Variants in PDE10A observed in about 807,000 individuals in gnomAD.
PDE10A encodes the protein cAMP and cAMP-inhibited cGMP 3',5'-cyclic phosphodiesterase 10A.
Under a neutral mutation model 97.7 loss-of-function variants are expected in PDE10A, and 39 were observed. The observed-to-expected ratio is 0.40, with a 90% confidence interval of 0.31 to 0.52. PDE10A has a LOEUF of 0.52. PDE10A is among the 20% of genes least tolerant of loss of function. PDE10A has a pLI of 0.56. For synonymous variants in PDE10A, 371 were observed against 376.8 expected (o/e 0.98, Z 0.18); for missense variants, 731 against 1,047.8 (o/e 0.70, Z 4.17).
At chr6:165,658,731 GT>G (rs1438798657) in intron 1 of PDE10A, among the ~76,000 whole-genome samples, 2 of 152,252 alleles carry the variant, frequency 1.3e-5, no homozygotes, top group Non-Finnish European at 2.9e-5. Flanking sequence ...AGGCACAAGA[GT>G]TTTTCCTACT....
chr6:165,507,260 T>G (rs1251124647), intron 2 of PDE10A, among the ~76,000 whole-genome samples: 1 of 152,114 alleles, frequency 6.6e-6, no homozygotes, highest in Non-Finnish European at 1.5e-5. Context: ...CTACTCACTT[T>G]GTTCCTGCAA....
chr6:165,874,671 A>G (rs1781289333), intron 1 of PDE10A, among the ~76,000 whole-genome samples: 1 of 152,250 alleles, frequency 6.6e-6, no homozygotes, highest in Non-Finnish European at 1.5e-5. Flanking sequence ...ATCTCTGCAC[A>G]GTTCAAATTA....
chr6:165,796,853 G>C (rs998790631), intron 1 of PDE10A, among the ~76,000 whole-genome samples: 9 of 152,136 alleles, frequency 5.9e-5, no homozygotes, highest in Non-Finnish European at 1.3e-4. Context: ...CATTGACAAT[G>C]GGAAGACAGC....
At chr6:165,392,331 T>C (rs1345175554) in intron 16 of PDE10A, among the ~76,000 whole-genome samples, 3 of 152,188 alleles carry the variant, frequency 2.0e-5, no homozygotes, top group Non-Finnish European at 4.4e-5. Context: ...CCAGGGCATA[T>C]AAGCAATGAA....
chr6:165,906,882 G>T (rs182316537), intron 1 of PDE10A, among the ~76,000 whole-genome samples: 1 of 152,222 alleles, frequency 6.6e-6, no homozygotes, highest in Non-Finnish European at 1.5e-5. Context: ...AAAGTCACAC[G>T]GTAGATCGGA....
At chr6:165,762,943 A>G (rs777016220) in intron 1 of PDE10A, among the ~76,000 whole-genome samples, 6 of 152,220 alleles carry the variant, frequency 3.9e-5, no homozygotes, top group Non-Finnish European at 8.8e-5. Flanking sequence ...AAGAAAAAAA[A>G]AGACAAAAAC....
chr6:165,435,211 T>C (rs1396201973), intron 6 of PDE10A, 26 bp downstream of exon 6: 1 of 1,589,868 alleles, frequency 6.3e-7, no homozygotes, highest in Non-Finnish European at 8.6e-7. Flanking sequence ...GTCAAAAGTG[T>C]CACAAAGAAT....
chr6:165,961,910 C>T (rs1784371980), intron 1 of PDE10A, among the ~76,000 whole-genome samples: 1 of 152,226 alleles, frequency 6.6e-6, no homozygotes, highest in South Asian at 2.1e-4. Context: ...GAAGGAAGGA[C>T]ATGAACCCAA....
At chr6:165,522,091 C>T (rs1583459896) in intron 2 of PDE10A, among the ~76,000 whole-genome samples, 1 of 152,110 alleles carries the variant, frequency 6.6e-6, no homozygotes, top group East Asian at 1.9e-4. Flanking sequence ...GACACTTTTG[C>T]TGCTTCCACA....
At chr6:165,963,877 T>C (rs1054691640) in intron 1 of PDE10A, among the ~76,000 whole-genome samples, 9 of 152,178 alleles carry the variant, frequency 5.9e-5, no homozygotes, top group African/African-American at 2.2e-4. Flanking sequence ...CCGTCTCACC[T>C]GCCAAACTCT....
intron 1 of PDE10A, among the ~76,000 whole-genome samples, chr6:165,691,903 A>T (rs533317787): frequency 6.6e-6 from 1 of 152,290 alleles, no homozygotes; most frequent in Non-Finnish European, 1.5e-5. Context: ...CACTCGGTAC[A>T]TCCTTGTGGA....
intron 1 of PDE10A, among the ~76,000 whole-genome samples, chr6:165,874,383 A>AT (rs11451436): frequency 0.77 from 116,739 of 151,814 alleles, 45,114 homozygotes; most frequent in East Asian, 0.96. Flanking sequence ...AGAAAAAAAA[A>AT]ATTTAGCCAG....
chr6:165,343,437 A>T lies in PDE10A; in HGVS notation c.2849T>A (p.Val950Asp). 1 of 1,614,072 alleles carries T rather than the reference A, an allele frequency of 6.2e-7. No homozygotes were observed. The highest frequency in any genetic ancestry group is 8.5e-7 in the Non-Finnish European group (1 of 1,179,962). ...DLCSVTKLWP[V>D]TKLTANDIYA... Reference sequence around the variant, plus strand: ...TATATCATTTGCCGTCAATTTTGTAACGGGCCACAGTTTTGTCACAGAACA... The same window carrying T: ...TATATCATTTGCCGTCAATTTTGTATCGGGCCACAGTTTTGTCACAGAACA... The change falls in exon 19 of 22, where the codon GTT becomes GAT. Residue 950 changes from valine to aspartate, a missense_variant. Val to Asp is a radical substitution (Grantham distance 152). This residue lies in a region of PDE10A where 96 missense variants were observed against 156.7 expected (regional missense o/e 0.61). Transcript: ENST00000539869.
intron 1 of PDE10A, among the ~76,000 whole-genome samples, chr6:165,787,536 C>T (rs6904237): frequency 0.51 from 77,163 of 151,980 alleles, 20,230 homozygotes; most frequent in Middle Eastern, 0.59. Context: ...AAAAAGTCCC[C>T]CAAATAAGAG....
intron 3 of PDE10A, among the ~76,000 whole-genome samples, chr6:165,453,760 T>C (rs1354915246): frequency 6.6e-6 from 1 of 152,224 alleles, no homozygotes; most frequent in African/African-American, 2.4e-5. Context: ...GTAGTCAGCC[T>C]GGGGCCCACG....
intron 1 of PDE10A, among the ~76,000 whole-genome samples, chr6:165,651,912 C>T (rs1789705723): frequency 6.6e-6 from 1 of 152,160 alleles, no homozygotes; most frequent in Non-Finnish European, 1.5e-5. Flanking sequence ...ATCTTTGCTT[C>T]TCCTAAATGA....
chr6:165,913,257 A>G (rs1210290550), intron 1 of PDE10A, among the ~76,000 whole-genome samples: 1 of 144,660 alleles, frequency 6.9e-6, no homozygotes, highest in African/African-American at 2.6e-5. Flanking sequence ...CATGTTGAAT[A>G]AGGACACTCA....
intron 1 of PDE10A, among the ~76,000 whole-genome samples, chr6:165,946,355 T>C (rs1783765458): frequency 1.3e-5 from 2 of 151,590 alleles, no homozygotes; most frequent in Admixed American, 1.3e-4. Flanking sequence ...ATTAGCCGGG[T>C]GTGCTGGCAT....
At chr6:165,708,661 C>G (rs1341220179) in intron 1 of PDE10A, among the ~76,000 whole-genome samples, 1 of 151,710 alleles carries the variant, frequency 6.6e-6, no homozygotes, top group Non-Finnish European at 1.5e-5. Context: ...TCCAATCGAC[C>G]CGGCCGACCC....
Sources: gnomAD v4.1 joint callset for allele counts (sites outside exome capture counted in the v4.1 genomes callset) on GRCh38, gnomAD v4.1.1 for gene constraint, gnomAD v4.1.1 regional missense constraint, MANE v1.5 for transcripts, NCBI Gene and HGNC (gene_info 2026-07-23, HGNC 2026-07-21) for gene names.